The following ZNF738 variants were observed in gnomAD, a reference collection of about 807,000 sequenced individuals.
ZNF738 encodes zinc finger protein 738, also known as protein ZNF738.
ZNF738 carries 10 observed loss-of-function variants against 9.2 expected under a neutral mutation model. The observed-to-expected ratio is 1.09, with a 90% CI of 0.67 to 1.85. The LOEUF is 1.85. Ranked by LOEUF, ZNF738 falls within the 40% of genes most tolerant of loss-of-function variation. The probability of loss-of-function intolerance (pLI) is 0.00; values close to 1 mark genes in which losing one functional copy is unlikely to be tolerated. For missense variants in ZNF738, 346 were observed against 283.6 expected, an observed-to-expected ratio of 1.22 and a Z score of -1.58; for synonymous variants, 113 against 94.5, an observed-to-expected ratio of 1.20 and a Z score of -1.14.
At chr19:21,376,109 TTTG>T in intron 4 of ZNF738, 145 bp downstream of exon 4, 1 of 473,122 alleles carries the variant, frequency 2.1e-6, no homozygotes, top group Non-Finnish European at 3.9e-6. Flanking sequence ...GGTTTTTTTG[TTTG>T]TTTTCTTTTT....
chr19:21,380,444 T>G (rs1973990026), intron 4 of ZNF738, among the ~76,000 whole-genome samples: 1 of 151,662 alleles, frequency 6.6e-6, no homozygotes, highest in Non-Finnish European at 1.5e-5. Flanking sequence ...GGAGTGGGGG[T>G]GGACAGGAGC....
At chr19:21,374,012 G>A (rs1405898171) in intron 2 of ZNF738, among the ~76,000 whole-genome samples, 2 of 151,936 alleles carry the variant, frequency 1.3e-5, no homozygotes, top group African/African-American at 4.8e-5. Flanking sequence ...CTTCTTATAC[G>A]CCATGCAGAA....
intron 4 of ZNF738, chr19:21,378,008 T>A (rs928833765): frequency 5.0e-6 from 2 of 397,640 alleles, no homozygotes; most frequent in Non-Finnish European, 8.9e-6. Context: ...TCTGTGTCTA[T>A]ACAGGCATAT....
Position 21,367,318 on chromosome 19 carries a change from G to A in ZNF738, c.96+5460G>A, listed in dbSNP as rs530254853. Among the ~76,000 whole-genome samples the A allele has an allele frequency of 4.6e-5, 7 of 152,098 alleles. No homozygotes were observed. The South Asian group carries it at 8.3e-4, about 18-fold the overall frequency. On this transcript the variant is annotated intron_variant, in intron 2 of 4. Transcript: ENST00000683779. ...TTTTTCTGAGTTCTGTGAGTAGCTCGATCAGATAATTGAACTTGAGAAAGG... is the reference window on the plus strand; with the variant it reads ...TTTTTCTGAGTTCTGTGAGTAGCTCAATCAGATAATTGAACTTGAGAAAGG...
Position 21,359,134 on chromosome 19 carries a change from C to A in ZNF738, c.-7C>A. On this transcript the variant is annotated 5_prime_UTR_variant, in exon 1 of 5. Transcript: ENST00000683779. ...CTAAGACGCCGGGACACCCTGGAAGCCTAGAAATGGTGAGAGTGCGGGGTC... is the reference window on the plus strand; with the variant it reads ...CTAAGACGCCGGGACACCCTGGAAGACTAGAAATGGTGAGAGTGCGGGGTC... The A allele has an allele frequency of 1.9e-6, 2 of 1,039,122 alleles. No homozygotes were observed. The highest frequency in any genetic ancestry group is 3.0e-6 in the Non-Finnish European group (2 of 657,096). 64.4% of individuals were successfully genotyped at this position (1,039,122 alleles called of 1,614,324 possible). A position where few individuals can be genotyped will look rare whatever the true frequency, so the allele number is the denominator to read the frequency against.
At chr19:21,382,119 G>A (rs1390167864) in intron 4 of ZNF738, among the ~76,000 whole-genome samples, 2 of 131,502 alleles carry the variant, frequency 1.5e-5, no homozygotes, top group Admixed American at 8.7e-5. Flanking sequence ...AGGCTAGAGT[G>A]CAATGGTGTG....
In ZNF738 at chr19:21,380,611, CAGAT is replaced by C. The variant is rs1341436567; in HGVS notation, c.320-2254_320-2251del. ...GTGGCAAAAGAAATGGATTAAAAAA[CAGAT>C]GGATGATGTCTTTCTCACCTTTTAA... On this transcript the variant is annotated intron_variant, in intron 4 of 4. Transcript: ENST00000683779. Among the ~76,000 whole-genome samples the C allele has an allele frequency of 5.9e-5, 9 of 152,366 alleles. No individual in the cohort carries two copies. In the South Asian group the frequency reaches 8.3e-4, roughly 14 times the overall value.
In ZNF738 at chr19:21,386,200, C is replaced by A; in HGVS notation, c.*2526C>A. ...ACAAACGTGAGGAATGTGGCAAAGC[C>A]TTTAATGGTCCCCTCAACTTTCTGC... On this transcript the variant is annotated 3_prime_UTR_variant, in exon 5 of 5. Coordinates refer to ENST00000683779, the MANE Select transcript of ZNF738 (RefSeq NM_001355237.2). The A allele has an allele frequency of 3.4e-6, 1 of 291,554 alleles. No individual in the cohort carries two copies. The highest frequency in any genetic ancestry group is 7.0e-6 in the Non-Finnish European group (1 of 142,374). 18.1% of individuals were successfully genotyped at this position (291,554 alleles called of 1,614,324 possible).
chr19:21,381,470 C>A, intron 4 of ZNF738: 4 of 1,206,222 alleles, frequency 3.3e-6, no homozygotes, highest in Non-Finnish European at 4.9e-6. Flanking sequence ...AACTTTTACA[C>A]CTACAAGCTC....
At chr19:21,374,758 C>G (rs779501667) in intron 2 of ZNF738, among the ~76,000 whole-genome samples, 1 of 151,486 alleles carries the variant, frequency 6.6e-6, no homozygotes, top group Non-Finnish European at 1.5e-5. Flanking sequence ...TCTTTTTGGG[C>G]GAAATACATT....
chr19:21,373,158 A>G (rs761886862), intron 2 of ZNF738, among the ~76,000 whole-genome samples: 7 of 152,180 alleles, frequency 4.6e-5, no homozygotes, highest in Non-Finnish European at 7.3e-5. Context: ...TTACCAAGTG[A>G]TTTTTGAGCT....
chr19:21,359,155 G>T lies in ZNF738; in HGVS notation c.3+12G>T, dbSNP rs772290780. The stretch of plus-strand genomic sequence containing the variant: ...GAAGCCTAGAAATGGTGAGAGTGCG[G>T]GGTCCAACATCCCGAGAGAGGGGAA... On this transcript the variant is annotated intron_variant, in intron 1 of 4. Coordinates refer to ENST00000683779, the MANE Select transcript of ZNF738 (RefSeq NM_001355237.2). The T allele has an allele frequency of 9.5e-7, 1 of 1,051,352 alleles. No homozygotes were observed. The highest frequency in any genetic ancestry group is 1.7e-5 in the Admixed American group (1 of 59,052). 65.1% of individuals were successfully genotyped at this position (1,051,352 alleles called of 1,614,324 possible).
In ZNF738 at chr19:21,383,793, C is replaced by T; in HGVS notation, c.*119C>T. 8.3e-7 allele frequency: 1 copy of T among 1,203,076 alleles called. No individual in the cohort carries two copies. The highest frequency in any genetic ancestry group is 1.2e-5 in the South Asian group (1 of 83,082). 74.5% of individuals were successfully genotyped at this position (1,203,076 alleles called of 1,614,324 possible). ...GCTTTTAAACAGTCCTCAAACCTTA[C>T]TACTCATGAAAATTCATTCTGGAGA... On this transcript the variant is annotated 3_prime_UTR_variant, in exon 5 of 5. Transcript: ENST00000683779.
At chr19:21,369,062 TCTTC>T (rs1479015102) in intron 2 of ZNF738, among the ~76,000 whole-genome samples, 3 of 152,132 alleles carry the variant, frequency 2.0e-5, no homozygotes, top group African/African-American at 7.2e-5. Context: ...GGCCACATGG[TCTTC>T]CTTGATTTTT....
Position 21,383,143 on chromosome 19 carries a change from T to A in ZNF738, c.597T>A (p.Thr199=). The change falls in exon 5 of 5, where the codon ACT becomes ACA. Residue 199 remains threonine (T), a synonymous_variant. Coordinates refer to ENST00000683779, the MANE Select transcript of ZNF738 (RefSeq NM_001355237.2). The stretch of plus-strand genomic sequence containing the variant: ...CAAATACACATAAGACAAGACATAC[T>A]GGAAAGAAACCTTTCAAATGTAAAA... The part of the protein sequence containing the change: ...LNSNTHKTRH[T]GKKPFKCKKC... 6.3e-7 allele frequency: 1 copy of A among 1,595,024 alleles called. No homozygotes were observed. The highest frequency in any genetic ancestry group is 1.1e-5 in the South Asian group (1 of 90,596).
chr19:21,371,106 A>G (rs1180824818), intron 2 of ZNF738, among the ~76,000 whole-genome samples: 4 of 152,172 alleles, frequency 2.6e-5, no homozygotes, highest in Non-Finnish European at 5.9e-5. Flanking sequence ...CAGAGCCATA[A>G]CCACAACTAT....
At chr19:21,371,296 T>TGGGC (rs1568368292) in intron 2 of ZNF738, among the ~76,000 whole-genome samples, 2 of 152,016 alleles carry the variant, frequency 1.3e-5, no homozygotes, top group Non-Finnish European at 2.9e-5. Context: ...CAGCCCTGGG[T>TGGGC]CACTGGGAAT....
At chr19:21,375,493 C>T (rs1973915954) in intron 3 of ZNF738, 129 bp downstream of exon 3, 4 of 520,802 alleles carry the variant, frequency 7.7e-6, no homozygotes, top group East Asian at 3.2e-5. Flanking sequence ...CAAAAAATTG[C>T]GAGGAATTAT....
chr19:21,368,327 A>G (rs952369323), intron 2 of ZNF738, among the ~76,000 whole-genome samples: 6 of 152,162 alleles, frequency 3.9e-5, no homozygotes, highest in African/African-American at 1.2e-4. Context: ...TTCCTTATAA[A>G]TGGTGACATG....
Sources: gnomAD v4.1 joint callset for allele counts (sites outside exome capture counted in the v4.1 genomes callset) on GRCh38, gnomAD v4.1.1 for gene constraint, MANE v1.5 for transcripts, NCBI Gene and HGNC (gene_info 2026-07-23, HGNC 2026-07-21) for gene names.